TMEM117: variants seen among roughly 807,000 people sequenced by gnomAD.
The protein encoded by TMEM117 is transmembrane protein 117.
Under a neutral mutation model 52.4 loss-of-function variants are expected in TMEM117, and 27 were observed. The ratio of observed to expected loss-of-function variants is 0.51; its 90% CI spans 0.38 to 0.71. The LOEUF (loss-of-function observed/expected upper bound fraction) is 0.71, where lower values mean the gene tolerates loss of function less well. Among genes scored for constraint, TMEM117 ranks in the 30% least tolerant of loss-of-function variants. TMEM117 has a pLI of 0.00. For missense variants in TMEM117, 556 were observed against 630.5 expected, an observed-to-expected ratio of 0.88 and a Z score of 1.26; for synonymous variants, 215 against 206.3, an observed-to-expected ratio of 1.04 and a Z score of -0.36.
chr12:44,137,902 T>C (rs1948515617), intron 3 of TMEM117, among the ~76,000 whole-genome samples: 1 of 152,180 alleles, frequency 6.6e-6, no homozygotes, highest in Non-Finnish European at 1.5e-5. Context: ...GACCACAATA[T>C]TATTTTGAAA....
At chr12:44,342,180 G>A (rs1951426521) in intron 6 of TMEM117, among the ~76,000 whole-genome samples, 1 of 152,118 alleles carries the variant, frequency 6.6e-6, no homozygotes, top group Non-Finnish European at 1.5e-5. Context: ...GCTACAGAAG[G>A]TCGTTTGTCA....
At chr12:44,087,791 C>T (rs756267267) in intron 3 of TMEM117, among the ~76,000 whole-genome samples, 3 of 152,108 alleles carry the variant, frequency 2.0e-5, no homozygotes, top group Non-Finnish European at 4.4e-5. Context: ...GATAAGTTCA[C>T]AAATGTATAG....
At chr12:43,975,049 C>T (rs1367532861) in intron 3 of TMEM117, among the ~76,000 whole-genome samples, 2 of 152,168 alleles carry the variant, frequency 1.3e-5, no homozygotes, top group East Asian at 3.9e-4. Context: ...CATTTTCTCA[C>T]AAATATCCTG....
intron 2 of TMEM117, among the ~76,000 whole-genome samples, chr12:43,886,255 G>A (rs972821338): frequency 1.3e-5 from 2 of 152,030 alleles, no homozygotes; most frequent in South Asian, 2.1e-4. Flanking sequence ...TATAGAGGGC[G>A]GTGTACCTGC....
At chr12:43,840,296 A>C (rs1337096467) in intron 1 of TMEM117, among the ~76,000 whole-genome samples, 1 of 152,208 alleles carries the variant, frequency 6.6e-6, no homozygotes, top group Non-Finnish European at 1.5e-5. Context: ...GAGGAAAATA[A>C]TATTTTCTTC....
chr12:44,029,335 TA>T (rs1223442788), intron 3 of TMEM117, among the ~76,000 whole-genome samples: 1 of 152,200 alleles, frequency 6.6e-6, no homozygotes, highest in Non-Finnish European at 1.5e-5. Context: ...CTCTTTGGAA[TA>T]ATCTGCTTAG....
At chr12:43,921,868 TC>T (rs945329689) in intron 2 of TMEM117, among the ~76,000 whole-genome samples, 21 of 152,190 alleles carry the variant, frequency 1.4e-4, no homozygotes, top group African/African-American at 5.1e-4. Context: ...TTCTTTCCAT[TC>T]CACTGACTCC....
intron 3 of TMEM117, among the ~76,000 whole-genome samples, chr12:44,039,832 A>G (rs557059735): frequency 1.3e-5 from 2 of 152,250 alleles, no homozygotes; most frequent in South Asian, 2.1e-4. Flanking sequence ...CTTATATTAC[A>G]TGTTGCTTCT....
intron 5 of TMEM117, among the ~76,000 whole-genome samples, chr12:44,224,559 C>T (rs1949835674): frequency 6.6e-6 from 1 of 151,826 alleles, no homozygotes; most frequent in Non-Finnish European, 1.5e-5. Flanking sequence ...CCTCCTCCTC[C>T]TTCATGTTAA....
chr12:44,315,442 A>G (rs1027119563), intron 6 of TMEM117, among the ~76,000 whole-genome samples: 3 of 152,136 alleles, frequency 2.0e-5, no homozygotes, highest in African/African-American at 7.2e-5. Flanking sequence ...AGATTTTGCT[A>G]TGTTGTGTTG....
intron 2 of TMEM117, among the ~76,000 whole-genome samples, chr12:43,914,019 T>C (rs1008466627): frequency 2.0e-5 from 3 of 152,164 alleles, no homozygotes; most frequent in African/African-American, 7.2e-5. Flanking sequence ...ATGTGAAAGA[T>C]AGAAATGCTT....
chr12:44,324,100 C>T (rs76554968), intron 6 of TMEM117, among the ~76,000 whole-genome samples: 7,295 of 152,018 alleles, frequency 0.048, 357 homozygotes, highest in African/African-American at 0.12. Flanking sequence ...AAATTGTTAT[C>T]TTGAGGTAGA....
intron 5 of TMEM117, among the ~76,000 whole-genome samples, chr12:44,235,191 T>C (rs1376077340): frequency 6.8e-6 from 1 of 148,048 alleles, no homozygotes; most frequent in Non-Finnish European, 1.5e-5. Flanking sequence ...GTACTCTCTC[T>C]AGATATATTT....
chr12:44,387,431 A>G (rs1459639108), intron 7 of TMEM117, among the ~76,000 whole-genome samples: 1 of 152,080 alleles, frequency 6.6e-6, no homozygotes, highest in Non-Finnish European at 1.5e-5. Flanking sequence ...TGTCTGATAA[A>G]TGCATTTTGT....
intron 2 of TMEM117, among the ~76,000 whole-genome samples, chr12:43,855,403 A>G (rs1266401327): frequency 6.6e-6 from 1 of 152,034 alleles, no homozygotes; most frequent in Non-Finnish European, 1.5e-5. Context: ...AGCATTTCAT[A>G]TACATCTTTG....
intron 5 of TMEM117, among the ~76,000 whole-genome samples, chr12:44,273,730 A>G (rs1287397250): frequency 6.6e-6 from 1 of 152,204 alleles, no homozygotes; most frequent in Non-Finnish European, 1.5e-5. Context: ...GATCATTTCA[A>G]TTGATGCTGA....
rs192467966 is a variant in TMEM117 at position 43,980,782 on chromosome 12, G to A, written c.410+36440G>A. ...GGTATCCAGTGAAAGAGCAGGCTAG[G>A]GGACTGCTGGCATTAGGGGCTGAAG... On this transcript the variant is annotated intron_variant, in intron 3 of 7. Coordinates refer to ENST00000266534, the MANE Select transcript of TMEM117 (RefSeq NM_032256.3). Among the ~76,000 whole-genome samples, 441 of 152,286 alleles carry A rather than the reference G, an allele frequency of 2.9e-3. 2 individuals are homozygous for A. The highest frequency in any genetic ancestry group is 0.02 in the Middle Eastern group (6 of 294).
At chr12:44,079,019 A>T (rs1019024668) in intron 3 of TMEM117, among the ~76,000 whole-genome samples, 3 of 152,016 alleles carry the variant, frequency 2.0e-5, no homozygotes, top group Non-Finnish European at 4.4e-5. Flanking sequence ...AGCTTCATCT[A>T]TGTCCCTGCA....
chr12:43,983,424 A>G (rs1387439218), intron 3 of TMEM117, among the ~76,000 whole-genome samples: 3 of 151,866 alleles, frequency 2.0e-5, no homozygotes, highest in Non-Finnish European at 4.4e-5. Flanking sequence ...GGTGTAATAC[A>G]CTAGGAGTCA....
Sources: allele counts gnomAD v4.1 joint callset (sites outside exome capture counted in the v4.1 genomes callset), GRCh38; gene constraint gnomAD v4.1.1; transcripts MANE v1.5; gene names NCBI Gene and HGNC (gene_info 2026-07-23, HGNC 2026-07-21).